Variants in DEK observed in about 807,000 individuals in gnomAD.
The protein encoded by DEK is DEK proto-oncogene.
Under a neutral mutation model 46.8 loss-of-function variants are expected in DEK, and 28 were observed. The ratio of observed to expected loss-of-function variants is 0.60; its 90% confidence interval spans 0.44 to 0.82. DEK has a LOEUF of 0.82. Among genes scored for constraint, DEK ranks in the 40% least tolerant of loss-of-function variants. The probability of loss-of-function intolerance (pLI) is 0.00; values close to 1 mark genes in which losing one functional copy is unlikely to be tolerated. For synonymous variants in DEK, 160 were observed against 144.5 expected, an observed-to-expected ratio of 1.11 and a Z score of -0.77; for missense variants, 416 against 430.6, an observed-to-expected ratio of 0.97 and a Z score of 0.30.
At position 18,258,309 on chromosome 6, in the gene DEK, G is replaced by C. The variant is rs754332443; in HGVS notation, c.242C>G (p.Ala81Gly). ...GGAAGCTAGAATAAACTTACCTTGTGCAATTGTAAATGGCTCTCTCTGTAA... is the reference window on the plus strand; with the variant it reads ...GGAAGCTAGAATAAACTTACCTTGTCCAATTGTAAATGGCTCTCTCTGTAA... ...SSLQREPFTI[A>G]QGKGQKLCEI... Residue 81 changes from alanine to glycine, a missense_variant, in exon 3 of 11, where the codon GCA becomes GGA. Ala to Gly is a moderately conservative substitution (Grantham distance 60). Coordinates refer to ENST00000652689, the MANE Select transcript of DEK (RefSeq NM_003472.4). 6.2e-7 allele frequency: 1 copy of C among 1,605,742 alleles called. No homozygotes were observed. Among genetic ancestry groups the C allele is most frequent in the East Asian group, 2.2e-5 (1 of 44,708 alleles).
In DEK at chr6:18,224,280, G is replaced by GTATT. The variant is rs1209766490; in HGVS notation, c.*1435_*1438dup. 1 of 182,188 alleles carries GTATT rather than the reference G, an allele frequency of 5.5e-6. No homozygotes were observed. Among genetic ancestry groups the GTATT allele is most frequent in the Non-Finnish European group, 1.2e-5 (1 of 85,612 alleles). 11.3% of individuals were successfully genotyped at this position (182,188 alleles called of 1,614,324 possible). ...ATTTAGTTGCTTATTTTGTTCACTTGTATTTACCTTTCCCTAGTGTCTGAG... is the reference window on the plus strand; with the variant it reads ...ATTTAGTTGCTTATTTTGTTCACTTGTATTTATTTACCTTTCCCTAGTGTCTGAG... On this transcript the variant is annotated 3_prime_UTR_variant, in exon 11 of 11. Coordinates refer to ENST00000652689, the MANE Select transcript of DEK (RefSeq NM_003472.4).
intron 7 of DEK, among the ~76,000 whole-genome samples, chr6:18,247,064 C>T (rs1791152907): frequency 6.6e-6 from 1 of 152,102 alleles, no homozygotes; most frequent in Non-Finnish European, 1.5e-5. Context: ...AAAAATAGCT[C>T]CATTTATGAA....
chr6:18,248,568 CCT>C (rs984476731), intron 7 of DEK, among the ~76,000 whole-genome samples: 1 of 151,928 alleles, frequency 6.6e-6, no homozygotes, highest in African/African-American at 2.4e-5. Flanking sequence ...GATTCGTAAC[CCT>C]CTTTCTTAAA....
intron 7 of DEK, among the ~76,000 whole-genome samples, chr6:18,239,636 T>C (rs1790819474): frequency 6.6e-6 from 1 of 152,172 alleles, no homozygotes; most frequent in South Asian, 2.1e-4. Flanking sequence ...GCTGACATGC[T>C]TCTAAAAGTA....
chr6:18,231,219 G>T (rs2151078016), intron 9 of DEK, among the ~76,000 whole-genome samples: 1 of 152,320 alleles, frequency 6.6e-6, no homozygotes, highest in South Asian at 2.1e-4. Context: ...ATTTAAAGCA[G>T]TGTGTAGAGG....
At chr6:18,225,797 A>G (rs367707011) in intron 10 of DEK, 67 bp from the exon 11 acceptor site, 40 of 1,577,508 alleles carry the variant, frequency 2.5e-5, no homozygotes, top group African/African-American at 4.1e-5. Flanking sequence ...TTCCACATCT[A>G]TTTTACTATT....
intron 2 of DEK, among the ~76,000 whole-genome samples, chr6:18,261,155 G>A (rs1791843067): frequency 6.6e-6 from 1 of 152,088 alleles, no homozygotes; most frequent in Admixed American, 6.5e-5. Flanking sequence ...CAAGCAGCTT[G>A]CATCCTGAGC....
rs769433769 is a variant in DEK, at chr6:18,224,074, G to T, written c.*1645C>A. ...ACAAAAGAGTATTCCAAATTGTATA[G>T]GTTATAGGGCTGAATCAATTTAAAA... On this transcript the variant is annotated 3_prime_UTR_variant, in exon 11 of 11. Transcript: ENST00000652689. The T allele has an allele frequency of 6.2e-6, 1 of 160,282 alleles. No individual in the cohort carries two copies. Among genetic ancestry groups the T allele is most frequent in the Non-Finnish European group, 1.4e-5 (1 of 72,886 alleles). The allele number at this position is 160,282 out of a possible 1,614,324, so 9.9% of individuals were successfully genotyped here.
At chr6:18,225,857 T>TGATCTTCC (rs1321895498) in intron 10 of DEK, 127 bp from the exon 11 acceptor site, 1 of 1,147,688 alleles carries the variant, frequency 8.7e-7, no homozygotes, top group African/African-American at 1.5e-5. Flanking sequence ...AGCTACCTGC[T>TGATCTTCC]GATCTTCCCC....
intron 6 of DEK, among the ~76,000 whole-genome samples, chr6:18,252,959 T>C (rs1791453249): frequency 6.6e-6 from 1 of 152,234 alleles, no homozygotes; most frequent in Non-Finnish European, 1.5e-5. Context: ...CTCAAGTACA[T>C]GTCTTTCTAA....
intron 6 of DEK, among the ~76,000 whole-genome samples, chr6:18,252,688 T>G (rs1791440365): frequency 6.6e-6 from 1 of 152,172 alleles, no homozygotes; most frequent in Non-Finnish European, 1.5e-5. Flanking sequence ...TGAGACCTTT[T>G]TCGGAGTCTC....
chr6:18,253,736 G>C (rs553891465), intron 6 of DEK, among the ~76,000 whole-genome samples: 4 of 152,122 alleles, frequency 2.6e-5, no homozygotes, highest in African/African-American at 7.2e-5. Context: ...TTATTATTTT[G>C]AGAGAGGATC....
chr6:18,237,559 A>G (rs1373586778), intron 7 of DEK, 43 bp from the exon 8 acceptor site: 5 of 1,568,756 alleles, frequency 3.2e-6, no homozygotes, highest in East Asian at 2.3e-5. Flanking sequence ...GATGAGATTC[A>G]ATGCTATCCC....
At chr6:18,234,312 C>T (rs1228289858) in intron 9 of DEK, among the ~76,000 whole-genome samples, 1 of 151,442 alleles carries the variant, frequency 6.6e-6, no homozygotes, top group East Asian at 1.9e-4. Context: ...GTAACCTGCA[C>T]GTTGTGCACA....
In DEK at chr6:18,255,615, CT is replaced by C. The variant is rs1418859970; in HGVS notation, c.573+115del. 7.0e-5 allele frequency: 87 copies of C among 1,234,548 alleles called. No homozygotes were observed. In the East Asian group the frequency reaches 2.1e-3, roughly 30 times the overall value. 76.5% of individuals were successfully genotyped at this position (1,234,548 alleles called of 1,614,324 possible). A position where few individuals can be genotyped will look rare whatever the true frequency, so the allele number is the denominator to read the frequency against. The stretch of plus-strand genomic sequence containing the variant: ...CAGATACGTCAACAGAAGGTATAGT[CT>C]TTGAATGTAGATATGAACGAATACT... On this transcript the variant is annotated intron_variant, in intron 6 of 10. Transcript: ENST00000652689.
rs1370400385 is a variant in DEK at position 18,257,959 on chromosome 6, T to C, written c.351A>G (p.Pro117=). ...RNLHKLLYNR[P]GTVSSLKKNV... ...AAGTGTAAAAAGGTCTTACAGTGCC[T>C]GGCCTGTTGTAAAGCAGTTTGTGTA... Residue 117 remains proline, a synonymous_variant, in exon 4 of 11, where the codon CCA becomes CCG. Transcript: ENST00000652689. The C allele has an allele frequency of 1.9e-6, 3 of 1,602,470 alleles. No individual in the cohort carries two copies. Among genetic ancestry groups the C allele is most frequent in the East Asian group, 2.2e-5 (1 of 44,786 alleles).
chr6:18,258,521 G>T (rs1385253825), intron 2 of DEK, 116 bp from the exon 3 acceptor site: 1 of 674,244 alleles, frequency 1.5e-6, no homozygotes, highest in Non-Finnish European at 2.3e-6. Flanking sequence ...CTTCTTCTGA[G>T]CATGGTTTTG....
rs1349209750 is a variant in DEK, at chr6:18,245,818, G to C, written c.762+3833C>G. ...CCCCACCCAAATCTCACCTTGAATT[G>C]TAATAATCCCCACGTTGTGGGAGGG... is the stretch of plus-strand genomic sequence containing the variant. On this transcript the variant is annotated intron_variant, in intron 7 of 10. Transcript: ENST00000652689. 1.3e-5 allele frequency among the ~76,000 whole-genome samples: 2 copies of C among 152,236 alleles called. 1 individual carries two copies.
intron 7 of DEK, among the ~76,000 whole-genome samples, chr6:18,237,860 CTTTTTTTTTTTTT>C (rs60332682): frequency 7.9e-5 from 7 of 88,500 alleles, no homozygotes; most frequent in African/African-American, 1.8e-4. Flanking sequence ...CAACTGGAAT[CTTTTTTTTTTTTT>C]TTTTTTTTTT....
Sources: allele counts gnomAD v4.1 joint callset (sites outside exome capture counted in the v4.1 genomes callset), GRCh38; gene constraint gnomAD v4.1.1; transcripts MANE v1.5; gene names NCBI Gene and HGNC (gene_info 2026-07-23, HGNC 2026-07-21).